Variants in NEK4 observed in about 807,000 individuals in gnomAD.
NEK4 encodes NIMA related kinase 4.
Under a neutral mutation model 98.4 loss-of-function variants are expected in NEK4, and 86 were observed. The observed-to-expected ratio is 0.87, with a 90% confidence interval of 0.73 to 1.05. The LOEUF (loss-of-function observed/expected upper bound fraction) is 1.05, where lower values mean the gene tolerates loss of function less well. Among genes scored for constraint, NEK4 ranks in the 50% least tolerant of loss-of-function variants. The pLI is 0.00. For synonymous variants in NEK4, 328 were observed against 342.2 expected (o/e 0.96, Z 0.46); for missense variants, 898 against 950.3 (o/e 0.94, Z 0.72).
At chr3:52,748,823 C>G (rs62255396) in intron 8 of NEK4, among the ~76,000 whole-genome samples, 1 of 152,028 alleles carries the variant, frequency 6.6e-6, no homozygotes, top group Admixed American at 6.6e-5. Context: ...TGGCTCACAC[C>G]CGTAATCACA....
chr3:52,751,921 A>C lies in NEK4; in HGVS notation c.1368+11T>G. On this transcript the variant is annotated intron_variant, in intron 7 of 15. Transcript: ENST00000233027. ...TCCAAAACCAGTATCTCATGTGTGCATATCACTCACCTGGTCCTTTGGCTT... is the reference window on the plus strand; with the variant it reads ...TCCAAAACCAGTATCTCATGTGTGCCTATCACTCACCTGGTCCTTTGGCTT... The C allele has an allele frequency of 6.2e-7, 1 of 1,609,376 alleles. No homozygotes were observed. Among genetic ancestry groups the C allele is most frequent in the Non-Finnish European group, 8.5e-7 (1 of 1,177,816 alleles).
chr3:52,741,472 C>G lies in NEK4; in HGVS notation c.2032G>C (p.Glu678Gln). The G allele has an allele frequency of 6.2e-7, 1 of 1,608,564 alleles. No individual in the cohort carries two copies. Among genetic ancestry groups the G allele is most frequent in the Non-Finnish European group, 8.5e-7 (1 of 1,175,090 alleles). Residue 678 changes from glutamate to glutamine, a missense_variant, in exon 13 of 16, where the codon GAG becomes CAG. Coordinates refer to ENST00000233027, the MANE Select transcript of NEK4 (RefSeq NM_003157.6). ...CTTGTAGAAGAACTTAACTCATCCT[C>G]AGACAGACAATGAATCTGTTTCCTT... ...QERKQIHCLS[E>Q]DELSSSTSST...
In NEK4 at chr3:52,765,920, C is replaced by T; in HGVS notation, c.633G>A (p.Met211Ile). ...CAATAATCCGATAAACTAAAGAATT[C>T]ATATCTTTTGCATTGAAAGCATGCT... Reference protein sequence around the residue: ...TLKHAFNAKDMNSLVYRIIEG... With the variant: ...TLKHAFNAKDINSLVYRIIEG... Residue 211 changes from methionine (M) to isoleucine (I), a missense_variant, in exon 4 of 16, where the codon ATG becomes ATA. Transcript: ENST00000233027. 2 of 1,610,056 alleles carry T rather than the reference C, an allele frequency of 1.2e-6. No homozygotes were observed. The highest frequency in any genetic ancestry group is 1.3e-5 in the African/African-American group (1 of 74,942).
At chr3:52,732,226 T>C (rs2097370508) in intron 15 of NEK4, among the ~76,000 whole-genome samples, 2 of 151,998 alleles carry the variant, frequency 1.3e-5, no homozygotes, top group Non-Finnish European at 2.9e-5. Context: ...ACACAGTCTC[T>C]CTCAGTTGCC....
intron 15 of NEK4, 67 bp downstream of exon 15, chr3:52,737,519 T>TAA: frequency 6.5e-7 from 1 of 1,531,052 alleles, no homozygotes; most frequent in East Asian, 2.2e-5. Context: ...GTGTGATTTA[T>TAA]ATTTCAAAAG....
intron 12 of NEK4, among the ~76,000 whole-genome samples, chr3:52,742,188 T>C (rs1018546614): frequency 2.6e-5 from 4 of 152,134 alleles, no homozygotes; most frequent in Middle Eastern, 3.2e-3. Flanking sequence ...GCTTGTTCTA[T>C]AGGAATGTTG....
chr3:52,755,876 T>G (rs990700426), intron 6 of NEK4, among the ~76,000 whole-genome samples: 7 of 152,184 alleles, frequency 4.6e-5, no homozygotes, highest in Non-Finnish European at 7.4e-5. Flanking sequence ...CAAAAATCAG[T>G]TGCATTTCTA....
chr3:52,758,052 AC>A (rs1253663932), intron 6 of NEK4, among the ~76,000 whole-genome samples: 2 of 151,772 alleles, frequency 1.3e-5, no homozygotes, highest in Admixed American at 6.6e-5. Flanking sequence ...TGTGGCGTGT[AC>A]CTGTAATCCC....
chr3:52,752,925 T>TACACACACACACACACAC (rs1559441326), intron 6 of NEK4, among the ~76,000 whole-genome samples: 4 of 43,166 alleles, frequency 9.3e-5, no homozygotes, highest in African/African-American at 3.7e-4. Flanking sequence ...AAAATATATA[T>TACACACACACACACACAC]ATATATATAC....
At chr3:52,742,044 C>G (rs2097387239) in intron 12 of NEK4, among the ~76,000 whole-genome samples, 1 of 152,110 alleles carries the variant, frequency 6.6e-6, no homozygotes, top group Non-Finnish European at 1.5e-5. Flanking sequence ...TCCCAAAGTG[C>G]CGGGATTACA....
intron 14 of NEK4, among the ~76,000 whole-genome samples, chr3:52,738,756 A>G (rs2097380739): frequency 6.6e-6 from 1 of 152,116 alleles, no homozygotes; most frequent in Non-Finnish European, 1.5e-5. Context: ...TGTTTTTTTA[A>G]AAATCTTGTT....
chr3:52,715,659 G>T (rs972066990), intron 15 of NEK4, among the ~76,000 whole-genome samples: 2 of 152,180 alleles, frequency 1.3e-5, no homozygotes. Flanking sequence ...AAAGTGCTGG[G>T]ATTACAGGCG....
intron 5 of NEK4, 77 bp from the exon 6 acceptor site, chr3:52,761,013 T>C (rs775774151): frequency 8.9e-6 from 8 of 897,514 alleles, no homozygotes; most frequent in Non-Finnish European, 1.4e-5. Flanking sequence ...TGGGAGTGTG[T>C]GTATACAATG....
At chr3:52,724,262 C>CACACACACAA (rs1312010300) in intron 15 of NEK4, among the ~76,000 whole-genome samples, 8 of 150,818 alleles carry the variant, frequency 5.3e-5, no homozygotes, top group East Asian at 1.9e-4. Flanking sequence ...CACACACACA[C>CACACACACAA]AAAACTGTCA....
In NEK4 at chr3:52,729,754, A is replaced by T. The variant is rs532687835; in HGVS notation, c.2433+7832T>A. 5.3e-5 allele frequency among the ~76,000 whole-genome samples: 8 copies of T among 152,144 alleles called. No individual in the cohort carries two copies. The South Asian group carries it at 1.7e-3, about 32-fold the overall frequency. ...CTTCACTTGACTAGCCAAAAAAAAA[A>T]AAAAGACTCAAATTACCAAAATAAG... On this transcript the variant is annotated intron_variant, in intron 15 of 15. Transcript: ENST00000233027.
chr3:52,742,658 A>G (rs1205039440), intron 12 of NEK4, among the ~76,000 whole-genome samples: 5 of 152,216 alleles, frequency 3.3e-5, no homozygotes. Flanking sequence ...TGACACAAAT[A>G]AGAAACTGAG....
At chr3:52,721,190 A>G (rs1201940448) in intron 15 of NEK4, among the ~76,000 whole-genome samples, 1 of 152,198 alleles carries the variant, frequency 6.6e-6, no homozygotes, top group African/African-American at 2.4e-5. Context: ...AGGGTAGGCA[A>G]TAAGAAACCA....
In NEK4 at chr3:52,754,479, G is replaced by GT. The variant is rs1182166610; in HGVS notation, c.964-2144dup. 4.3e-6 allele frequency: 3 copies of GT among 705,130 alleles called. No individual in the cohort carries two copies. In the East Asian group the frequency reaches 9.9e-5, roughly 23 times the overall value. 43.7% of individuals were successfully genotyped at this position (705,130 alleles called of 1,614,324 possible). A position where few individuals can be genotyped will look rare whatever the true frequency, so the allele number is the denominator to read the frequency against. ...AAAGTGGTTGACAGTGTTAAGGTAT[G>GT]TATTACTCGTCTGTCTGACCAATTT... On this transcript the variant is annotated intron_variant, in intron 6 of 15. Coordinates refer to ENST00000233027, the MANE Select transcript of NEK4 (RefSeq NM_003157.6).
rs188939403 is a variant in NEK4, at chr3:52,715,154, T to C, written c.2434-3285A>G. Among the ~76,000 whole-genome samples the C allele has an allele frequency of 5.5e-3, 831 of 152,324 alleles. 13 individuals carry two copies. The South Asian group carries it at 0.066, about 12-fold the overall frequency. On this transcript the variant is annotated intron_variant, in intron 15 of 15. Coordinates refer to ENST00000233027, the MANE Select transcript of NEK4 (RefSeq NM_003157.6). The stretch of plus-strand genomic sequence containing the variant: ...AGTCCCATAGACCAGAGTGGGAACT[T>C]GTGGTGCCTTTTCTGGGCCTACCCA...
Sources: allele counts gnomAD v4.1 joint callset (sites outside exome capture counted in the v4.1 genomes callset), GRCh38; gene constraint gnomAD v4.1.1; transcripts MANE v1.5; gene names NCBI Gene and HGNC (gene_info 2026-07-23, HGNC 2026-07-21).